PTDSS1: variants seen among roughly 807,000 people sequenced by gnomAD.
The protein encoded by PTDSS1 is phosphatidylserine synthase 1, also known as PSS-1.
PTDSS1 carries 45 observed loss-of-function variants against 70.5 expected under a neutral mutation model. The ratio of observed to expected loss-of-function variants is 0.64; its 90% CI spans 0.50 to 0.82. The LOEUF is 0.82. PTDSS1 is among the 40% of genes least tolerant of loss of function. The probability of loss-of-function intolerance (pLI) is 0.00; values close to 1 mark genes in which losing one functional copy is unlikely to be tolerated. For missense variants in PTDSS1, 417 were observed against 586.1 expected (o/e 0.71, Z 2.98); for synonymous variants, 188 against 203.8 (o/e 0.92, Z 0.66).
intron 2 of PTDSS1, among the ~76,000 whole-genome samples, chr8:96,274,723 T>C (rs756809250): frequency 2.6e-5 from 4 of 152,006 alleles, no homozygotes; most frequent in Non-Finnish European, 5.9e-5. Context: ...AAACTCCATC[T>C]CAAAATAATA....
intron 2 of PTDSS1, among the ~76,000 whole-genome samples, chr8:96,275,268 G>A (rs1431719427): frequency 6.6e-6 from 1 of 152,048 alleles, no homozygotes; most frequent in Non-Finnish European, 1.5e-5. Flanking sequence ...CAATCCTTCC[G>A]CCTCAGCCTC....
intron 5 of PTDSS1, among the ~76,000 whole-genome samples, chr8:96,298,035 A>G (rs1251941175): frequency 6.6e-6 from 1 of 152,186 alleles, no homozygotes; most frequent in Non-Finnish European, 1.5e-5. Flanking sequence ...TCCACATCCC[A>G]CTTTCTCTTG....
intron 9 of PTDSS1, among the ~76,000 whole-genome samples, chr8:96,312,241 C>T (rs1811223076): frequency 2.6e-5 from 4 of 152,218 alleles, no homozygotes; most frequent in South Asian, 2.1e-4. Context: ...GCTTGACGCC[C>T]GGAGTTTGAG....
chr8:96,335,713 T>C lies in PTDSS1; in HGVS notation c.*2147T>C. On this transcript the variant is annotated 3_prime_UTR_variant, in exon 13 of 13. Coordinates refer to ENST00000517309, the MANE Select transcript of PTDSS1 (RefSeq NM_014754.3). ...CTTCAGTCAGAGCTCTTTACTATAG[T>C]AGTTACAAAACCAGTGCTTTCCATG... The C allele has an allele frequency of 6.6e-6, 1 of 152,248 alleles. No homozygotes were observed. The highest frequency in any genetic ancestry group is 3.2e-3 in the Middle Eastern group (1 of 316). 9.4% of individuals were successfully genotyped at this position (152,248 alleles called of 1,614,324 possible).
At chr8:96,325,808 G>A (rs965089333) in intron 10 of PTDSS1, among the ~76,000 whole-genome samples, 2 of 152,168 alleles carry the variant, frequency 1.3e-5, no homozygotes, top group African/African-American at 2.4e-5. Context: ...ATAAGTAAGA[G>A]ATAAGCAAGA....
chr8:96,291,500 A>T lies in PTDSS1; in HGVS notation c.442-3598A>T, dbSNP rs984075419. On this transcript the variant is annotated intron_variant, in intron 4 of 12. Coordinates refer to ENST00000517309, the MANE Select transcript of PTDSS1 (RefSeq NM_014754.3). ...AACCACTGAACAGTGAACAGTACGCAGTGAGTGTTGACATTTCTGCAGTCG... is the reference window on the plus strand; with the variant it reads ...AACCACTGAACAGTGAACAGTACGCTGTGAGTGTTGACATTTCTGCAGTCG... Among the ~76,000 whole-genome samples the T allele has an allele frequency of 3.4e-5, 5 of 148,794 alleles. No homozygotes were observed. In the Middle Eastern group the frequency reaches 0.01, roughly 310 times the overall value.
Position 96,295,191 on chromosome 8 carries a change from A to G in PTDSS1, c.535A>G (p.Lys179Glu). ...AFGHFWGWAM[K>E]ALLIRSYGLC... ...TGGACATTTCTGGGGCTGGGCCATG[A>G]AGGCCTTGCTGATCCGTAGTTACGG... Residue 179 changes from lysine (K) to glutamate (E), a missense_variant, in exon 5 of 13, where the codon AAG (lysine) becomes GAG (glutamate). This residue lies in a region of PTDSS1 where 272 missense variants were observed against 429.5 expected (regional missense o/e 0.63). Transcript: ENST00000517309. 6.2e-7 allele frequency: 1 copy of G among 1,614,190 alleles called. No individual in the cohort carries two copies. Among genetic ancestry groups the G allele is most frequent in the South Asian group, 1.1e-5 (1 of 91,084 alleles).
At chr8:96,292,859 C>T (rs568037895) in intron 4 of PTDSS1, among the ~76,000 whole-genome samples, 1 of 152,330 alleles carries the variant, frequency 6.6e-6, no homozygotes, top group East Asian at 1.9e-4. Flanking sequence ...AAAATTGCTG[C>T]ATGGCTGGGG....
At chr8:96,330,958 CT>C in intron 11 of PTDSS1, 67 bp from the exon 12 acceptor site, 3 of 1,409,538 alleles carry the variant, frequency 2.1e-6, no homozygotes, top group Non-Finnish European at 3.0e-6. Context: ...GCATGCTCGC[CT>C]TTTTGCCCTG....
At chr8:96,330,524 T>C (rs947506172) in intron 11 of PTDSS1, 4 of 512,080 alleles carry the variant, frequency 7.8e-6, no homozygotes, top group Non-Finnish European at 1.1e-5. Flanking sequence ...AAAAAAGTTA[T>C]GTTTGTTTGG....
intron 6 of PTDSS1, among the ~76,000 whole-genome samples, chr8:96,300,638 A>G (rs192895449): frequency 3.9e-5 from 6 of 152,320 alleles, no homozygotes; most frequent in East Asian, 1.9e-4. Context: ...GGTTGCTTCA[A>G]TTGTGTTTAA....
At position 96,330,425 on chromosome 8, in the gene PTDSS1, T is replaced by G. The variant is rs1430810835; in HGVS notation, c.1242+144T>G. ...CAGTCCTGCCACTGCAGAAACCGCA[T>G]GTCACAACTCATTCCCTAGCCATTG... On this transcript the variant is annotated intron_variant, in intron 11 of 12. Transcript: ENST00000517309. 7 of 737,028 alleles carry G rather than the reference T, an allele frequency of 9.5e-6. No individual in the cohort carries two copies. In the South Asian group the frequency reaches 9.8e-5, roughly 10 times the overall value. 45.7% of individuals were successfully genotyped at this position (737,028 alleles called of 1,614,324 possible). A position where few individuals can be genotyped will look rare whatever the true frequency, so the allele number is the denominator to read the frequency against.
Position 96,334,607 on chromosome 8 carries a change from T to G in PTDSS1, c.*1041T>G, listed in dbSNP as rs1811569807. The G allele has an allele frequency of 6.5e-6, 1 of 152,680 alleles. No individual in the cohort carries two copies. The allele number at this position is 152,680 out of a possible 1,614,324, so 9.5% of individuals were successfully genotyped here. ...CATCTTACTGGTATCTTCTATTGAT[T>G]GTAAGCAGTCTGTGTTTTTCAAGTG... On this transcript the variant is annotated 3_prime_UTR_variant, in exon 13 of 13. Coordinates refer to ENST00000517309, the MANE Select transcript of PTDSS1 (RefSeq NM_014754.3).
intron 9 of PTDSS1, among the ~76,000 whole-genome samples, chr8:96,312,864 C>T (rs374919275): frequency 5.3e-4 from 81 of 152,336 alleles, no homozygotes; most frequent in African/African-American, 1.8e-3. Flanking sequence ...AGCTCTACCT[C>T]CCTGCCATTT....
intron 5 of PTDSS1, among the ~76,000 whole-genome samples, chr8:96,296,452 TCATAAGGACA>T (rs1488495492): frequency 6.6e-5 from 10 of 152,148 alleles, no homozygotes; most frequent in Non-Finnish European, 1.3e-4. Context: ...GTGTTCTTTT[TCATAAGGACA>T]CAAGAGCATT....
intron 3 of PTDSS1, 47 bp downstream of exon 3, chr8:96,284,200 T>C: frequency 6.7e-7 from 1 of 1,495,434 alleles, no homozygotes; most frequent in Non-Finnish European, 9.2e-7. Flanking sequence ...TTTTTTAATC[T>C]TTTTTCTGCT....
intron 9 of PTDSS1, among the ~76,000 whole-genome samples, chr8:96,319,821 G>T (rs529655480): frequency 7.9e-5 from 12 of 152,240 alleles, no homozygotes; most frequent in African/African-American, 2.4e-4. Context: ...AGGTATAGGA[G>T]GCAGATACCA....
At chr8:96,274,142 ATTTT>A (rs905402341) in intron 2 of PTDSS1, among the ~76,000 whole-genome samples, 6 of 135,604 alleles carry the variant, frequency 4.4e-5, no homozygotes, top group Admixed American at 1.5e-4. Context: ...CTTGTCTTCT[ATTTT>A]TTTTTTTTTT....
intron 1 of PTDSS1, among the ~76,000 whole-genome samples, chr8:96,269,952 GT>G (rs1810541970): frequency 6.6e-6 from 1 of 152,196 alleles, no homozygotes; most frequent in East Asian, 1.9e-4. Context: ...GCCAGGCACT[GT>G]TTTAAGTGCT....
Sources: allele counts gnomAD v4.1 joint callset (sites outside exome capture counted in the v4.1 genomes callset), GRCh38; gene constraint gnomAD v4.1.1; regional missense constraint gnomAD v4.1.1; transcripts MANE v1.5; gene names NCBI Gene and HGNC (gene_info 2026-07-23, HGNC 2026-07-21).